Variants in SGF29 observed in about 807,000 individuals in gnomAD.
SGF29 encodes the protein SAGA complex associated factor 29.
A neutral mutation model predicts 38.1 loss-of-function variants in SGF29; 15 were observed. That is an observed-to-expected ratio of 0.39 (90% CI 0.26 to 0.61). The LOEUF is 0.61. Ranked by LOEUF, SGF29 falls within the 20% of genes least tolerant of loss-of-function variation. SGF29 has a pLI of 0.49. For missense variants in SGF29, 184 were observed against 394.6 expected, an observed-to-expected ratio of 0.47 and a Z score of 4.52; for synonymous variants, 151 against 160.8, an observed-to-expected ratio of 0.94 and a Z score of 0.46.
intron 4 of SGF29, among the ~76,000 whole-genome samples, chr16:28,587,691 A>G (rs1254374871): frequency 6.6e-6 from 1 of 152,102 alleles, no homozygotes; most frequent in Non-Finnish European, 1.5e-5. Flanking sequence ...GGTCTTTAGA[A>G]CTCCGGGTCA....
At chr16:28,566,284 A>G (rs1013491443) in intron 1 of SGF29, among the ~76,000 whole-genome samples, 7 of 151,472 alleles carry the variant, frequency 4.6e-5, no homozygotes, top group African/African-American at 1.7e-4. Context: ...AAAAAAAAAA[A>G]GAAAAAGAAA....
At chr16:28,587,312 C>G (rs1185351361) in intron 4 of SGF29, among the ~76,000 whole-genome samples, 1 of 152,214 alleles carries the variant, frequency 6.6e-6, no homozygotes, top group Non-Finnish European at 1.5e-5. Flanking sequence ...GGTTTGAAAG[C>G]CACTTCAGTA....
rs200583282 is a variant in SGF29 at position 28,590,933 on chromosome 16, C to T, written c.763C>T (p.Arg255Trp). ...YRALIHAPPQ[R>W]PQDDYSVLFE... ...CGCCCTGATCCATGCGCCCCCACAGCGGGTAAAGCAGCCTCCAGGGGAGAG... is the reference window on the plus strand; with the variant it reads ...CGCCCTGATCCATGCGCCCCCACAGTGGGTAAAGCAGCCTCCAGGGGAGAG... Residue 255 changes from arginine (R) to tryptophan (W), a missense_variant and splice_region_variant, in exon 9 of 10, where the codon CGG (arginine) becomes TGG (tryptophan). Physicochemically the swap from Arg to Trp is moderately radical, Grantham distance 101. Coordinates refer to ENST00000317058, the MANE Select transcript of SGF29 (RefSeq NM_138414.3). This position sits in a 1 kb window ranked among gnomAD's most constrained non-coding sequence, Gnocchi z 8.2. 12 of 1,607,464 alleles carry T rather than the reference C, an allele frequency of 7.5e-6. No individual in the cohort carries two copies. Among genetic ancestry groups the T allele is most frequent in the East Asian group, 2.2e-5 (1 of 44,658 alleles).
At position 28,590,451 on chromosome 16, in the gene SGF29, C is replaced by T. The variant is rs1371085840; in HGVS notation, c.566+9C>T. 1 of 1,613,880 alleles carries T rather than the reference C, an allele frequency of 6.2e-7. No individual in the cohort carries two copies. Among genetic ancestry groups the T allele is most frequent in the Admixed American group, 1.7e-5 (1 of 60,008 alleles). ...AGCCATGCCACCAACAAGTGAGTGA[C>T]ACCAACCCTGGGGCTGCTCTCTGGT... On this transcript the variant is annotated intron_variant, in intron 7 of 9. Transcript: ENST00000317058. This position sits in a 1 kb window ranked among gnomAD's most constrained non-coding sequence, Gnocchi z 8.2.
At chr16:28,578,128 AC>A (rs1229253316) in intron 1 of SGF29, among the ~76,000 whole-genome samples, 2 of 151,402 alleles carry the variant, frequency 1.3e-5, no homozygotes, top group Non-Finnish European at 2.9e-5. Flanking sequence ...TGCTGGGATT[AC>A]AGGCGTGAGC....
At position 28,590,292 on chromosome 16, in the gene SGF29, A is replaced by G. The variant is rs770948431; in HGVS notation, c.420-4A>G. 4 of 1,608,590 alleles carry G rather than the reference A, an allele frequency of 2.5e-6. No individual in the cohort carries two copies. The South Asian group carries it at 4.4e-5, about 18-fold the overall frequency. On this transcript the variant is annotated splice_region_variant and splice_polypyrimidine_tract_variant and intron_variant, in intron 6 of 9. Transcript: ENST00000317058. The surrounding 1 kb of genome is among the most constrained non-coding windows in gnomAD (Gnocchi z 8.2). ...CTGGGACTGACCCTTTGTTCCACTC[A>G]CAGGCCCCCACCCCTCTGTGGGGCC...
chr16:28,575,978 C>T (rs1428331225), intron 1 of SGF29, among the ~76,000 whole-genome samples: 2 of 152,148 alleles, frequency 1.3e-5, no homozygotes, highest in African/African-American at 4.8e-5. Context: ...GACCCTGCCT[C>T]TGCCAAAAAT....
chr16:28,588,252 T>C (rs2046966619), intron 4 of SGF29, among the ~76,000 whole-genome samples: 1 of 152,188 alleles, frequency 6.6e-6, no homozygotes, highest in Admixed American at 6.5e-5. Context: ...TTCCTGGGGC[T>C]TCAAGGCCAT....
intron 1 of SGF29, among the ~76,000 whole-genome samples, chr16:28,575,935 A>G (rs142012119): frequency 3.4e-4 from 52 of 152,242 alleles, no homozygotes; most frequent in African/African-American, 1.2e-3. Flanking sequence ...GGTTGAGCTC[A>G]GGAATTCGAC....
intron 1 of SGF29, among the ~76,000 whole-genome samples, chr16:28,556,645 CCTACTTATG>C (rs1287590807): frequency 6.6e-6 from 1 of 151,508 alleles, no homozygotes; most frequent in African/African-American, 2.4e-5. Context: ...TTGCGCCCAA[CCTACTTATG>C]TTTTTTTTAG....
intron 1 of SGF29, among the ~76,000 whole-genome samples, chr16:28,575,227 G>A (rs1452558422): frequency 6.6e-6 from 1 of 152,162 alleles, no homozygotes; most frequent in Admixed American, 6.5e-5. Flanking sequence ...ATGTTTCTAA[G>A]GGGATATGTT....
At chr16:28,589,335 G>A (rs1346551831) in intron 5 of SGF29, 171 bp downstream of exon 5, 1 of 625,886 alleles carries the variant, frequency 1.6e-6, no homozygotes, top group Non-Finnish European at 2.8e-6. Context: ...GTCATTCCCA[G>A]TGCCCAGAGG....
chr16:28,560,633 C>A (rs982796834), intron 1 of SGF29, among the ~76,000 whole-genome samples: 1 of 147,452 alleles, frequency 6.8e-6, no homozygotes, highest in African/African-American at 2.5e-5. Context: ...TATATTTTTA[C>A]AAAACAGGAA....
At chr16:28,588,164 CAA>C (rs2046966042) in intron 4 of SGF29, among the ~76,000 whole-genome samples, 1 of 152,162 alleles carries the variant, frequency 6.6e-6, no homozygotes, top group Non-Finnish European at 1.5e-5. Flanking sequence ...TCACTCCAGC[CAA>C]GTTCTGTGTT....
At chr16:28,564,503 G>A (rs1351343843) in intron 1 of SGF29, among the ~76,000 whole-genome samples, 3 of 140,850 alleles carry the variant, frequency 2.1e-5, no homozygotes, top group Non-Finnish European at 4.5e-5. Flanking sequence ...ACAGAACTCT[G>A]TGTGTGTATA....
chr16:28,564,529 A>G (rs28648826), intron 1 of SGF29, among the ~76,000 whole-genome samples: 3,773 of 122,662 alleles, frequency 0.031, 73 homozygotes, highest in Middle Eastern at 0.055. Context: ...ATGTGTGTGT[A>G]TATATATATG....
chr16:28,583,114 G>T (rs2046936254), intron 2 of SGF29, among the ~76,000 whole-genome samples: 1 of 152,250 alleles, frequency 6.6e-6, no homozygotes, highest in East Asian at 1.9e-4. Flanking sequence ...GGTCCTGACA[G>T]ACACAGGGCT....
Position 28,581,159 on chromosome 16 carries a change from C to T in SGF29, c.75+15C>T. On this transcript the variant is annotated intron_variant, in intron 2 of 9. Transcript: ENST00000317058. The stretch of plus-strand genomic sequence containing the variant: ...AACAAACCCAGGTAAAAAGTCACCA[C>T]CCTCCATTCCCAGATGGGAACATGG... 1 of 1,611,386 alleles carries T rather than the reference C, an allele frequency of 6.2e-7. No homozygotes were observed. Among genetic ancestry groups the T allele is most frequent in the Non-Finnish European group, 8.5e-7 (1 of 1,177,936 alleles).
In SGF29 at chr16:28,554,061, G is replaced by C. The variant is rs975415016; in HGVS notation, c.-52G>C. 1 of 152,360 alleles carries C rather than the reference G, an allele frequency of 6.6e-6. No individual in the cohort carries two copies. Among genetic ancestry groups the C allele is most frequent in the Non-Finnish European group, 1.5e-5 (1 of 68,044 alleles). The allele number at this position is 152,360 out of a possible 1,614,324, so 9.4% of individuals were successfully genotyped here. A position where few individuals can be genotyped will look rare whatever the true frequency, so the allele number is the denominator to read the frequency against. On this transcript the variant is annotated 5_prime_UTR_variant, in exon 1 of 10. Transcript: ENST00000317058. ...GAACGCGCCTGCTCCCCTCGTCGCA[G>C]TTTCCAGCCCGACGAGCTTGTTTTG... is the stretch of plus-strand genomic sequence containing the variant.
Sources: gnomAD v4.1 joint callset for allele counts (sites outside exome capture counted in the v4.1 genomes callset) on GRCh38, gnomAD v4.1.1 for gene constraint, Gnocchi (gnomAD v3.1) non-coding constraint, MANE v1.5 for transcripts, NCBI Gene and HGNC (gene_info 2026-07-23, HGNC 2026-07-21) for gene names.